PEAK1: variants seen among roughly 807,000 people sequenced by gnomAD.
PEAK1 encodes the protein inactive tyrosine-protein kinase PEAK1.
PEAK1 carries 54 observed loss-of-function variants against 124.7 expected under a neutral mutation model. The observed-to-expected ratio is 0.43, with a 90% CI of 0.35 to 0.54. The LOEUF is 0.54. Among genes scored for constraint, PEAK1 ranks in the 20% least tolerant of loss-of-function variants. PEAK1 has a pLI of 0.01. For missense variants in PEAK1, 2,046 were observed against 2,134.5 expected, an observed-to-expected ratio of 0.96 and a Z score of 0.82; for synonymous variants, 719 against 760.0, an observed-to-expected ratio of 0.95 and a Z score of 0.89.
At chr15:77,279,194 A>G (rs894826710) in intron 5 of PEAK1, among the ~76,000 whole-genome samples, 3 of 151,894 alleles carry the variant, frequency 2.0e-5, no homozygotes, top group Non-Finnish European at 4.4e-5. Flanking sequence ...GGGAAGGGGC[A>G]TATGTCACTA....
At chr15:77,160,712 A>C (rs548596916) in intron 7 of PEAK1, among the ~76,000 whole-genome samples, 4 of 152,256 alleles carry the variant, frequency 2.6e-5, no homozygotes, top group African/African-American at 9.6e-5. Context: ...AGAAAAAAAA[A>C]TGTTAAAGCT....
At position 77,180,792 on chromosome 15, in the gene PEAK1, C is replaced by T; in HGVS notation, c.1135G>A (p.Asp379Asn). ...LSPGNPGDSK[D>N]MKEIEPNYES... is the part of the protein sequence containing the mutation. ...TAATTGGGCTCAATTTCCTTCATGT[C>T]CTTAGAATCTCCTGGGTTACCAGGA... Residue 379 changes from aspartate to asparagine, a missense_variant, in exon 7 of 10, where the codon GAC (aspartate) becomes AAC (asparagine). Asp to Asn is a conservative substitution (Grantham distance 23). Transcript: ENST00000682557. 1.9e-6 allele frequency: 3 copies of T among 1,613,964 alleles called. No homozygotes were observed. The highest frequency in any genetic ancestry group is 2.5e-6 in the Non-Finnish European group (3 of 1,179,980).
intron 8 of PEAK1, among the ~76,000 whole-genome samples, chr15:77,139,869 A>G (rs972087125): frequency 2.0e-5 from 3 of 151,804 alleles, no homozygotes; most frequent in Non-Finnish European, 4.4e-5. Context: ...AGGGAGGGGG[A>G]GAGAGAGAGC....
At chr15:77,383,479 A>T (rs1271196432) in intron 1 of PEAK1, among the ~76,000 whole-genome samples, 1 of 152,244 alleles carries the variant, frequency 6.6e-6, no homozygotes, top group East Asian at 1.9e-4. Flanking sequence ...ATACATAAAA[A>T]TGTGATAACC....
At chr15:77,300,693 C>A (rs2063741003) in intron 2 of PEAK1, among the ~76,000 whole-genome samples, 1 of 152,046 alleles carries the variant, frequency 6.6e-6, no homozygotes, top group Non-Finnish European at 1.5e-5. Flanking sequence ...TTTCAGGGTC[C>A]TATCTAGGGC....
chr15:77,405,225 C>T (rs2071718106), intron 1 of PEAK1, among the ~76,000 whole-genome samples: 5 of 151,884 alleles, frequency 3.3e-5, no homozygotes, highest in Admixed American at 6.6e-5. Context: ...AGGATGGTCT[C>T]GATCTTCTGA....
At chr15:77,328,759 A>C (rs1443898748) in intron 2 of PEAK1, among the ~76,000 whole-genome samples, 1 of 152,176 alleles carries the variant, frequency 6.6e-6, no homozygotes, top group Non-Finnish European at 1.5e-5. Flanking sequence ...AAATTCAAAA[A>C]ACATAAGCAT....
At chr15:77,162,152 A>G (rs1262786238) in intron 7 of PEAK1, among the ~76,000 whole-genome samples, 2 of 152,090 alleles carry the variant, frequency 1.3e-5, no homozygotes, top group Non-Finnish European at 2.9e-5. Flanking sequence ...GAAGAAAGAA[A>G]AAAAGGAAAA....
At chr15:77,295,925 T>C (rs371678591) in intron 2 of PEAK1, among the ~76,000 whole-genome samples, 4 of 152,180 alleles carry the variant, frequency 2.6e-5, no homozygotes, top group African/African-American at 9.7e-5. Flanking sequence ...AAGAAAATTT[T>C]GGGTACCTGG....
chr15:77,233,320 A>C (rs997273445), intron 6 of PEAK1, among the ~76,000 whole-genome samples: 1 of 152,160 alleles, frequency 6.6e-6, no homozygotes, highest in Non-Finnish European at 1.5e-5. Context: ...TAAGGTGTCC[A>C]AAGACTGTAT....
chr15:77,348,272 G>C lies in PEAK1; in HGVS notation c.-603+16891C>G, dbSNP rs576458188. ...ACACTAATTAGCGTACAACATCCCT[G>C]AGTCTCAATTTTCCTCATCAGTAAA... is the stretch of plus-strand genomic sequence containing the variant. On this transcript the variant is annotated intron_variant, in intron 2 of 9. Transcript: ENST00000682557. 46 of 919,550 alleles carry C rather than the reference G, an allele frequency of 5.0e-5. No individual in the cohort carries two copies. In the African/African-American group the frequency reaches 8.3e-4, roughly 17 times the overall value. 57.0% of individuals were successfully genotyped at this position (919,550 alleles called of 1,614,324 possible).
chr15:77,318,085 T>C (rs1052170361), intron 2 of PEAK1, among the ~76,000 whole-genome samples: 17 of 152,248 alleles, frequency 1.1e-4, no homozygotes, highest in Admixed American at 7.8e-4. Context: ...GGGAGATCTT[T>C]GTAGGTATGG....
At chr15:77,350,242 A>G in intron 2 of PEAK1, 1 of 985,466 alleles carries the variant, frequency 1.0e-6, no homozygotes, top group South Asian at 4.7e-5. Flanking sequence ...CAATACACAA[A>G]TTAACAGTAA....
chr15:77,154,892 G>C (rs1366117239), intron 8 of PEAK1, among the ~76,000 whole-genome samples: 3 of 151,412 alleles, frequency 2.0e-5, no homozygotes, highest in East Asian at 1.9e-4. Context: ...TGGGTAACCC[G>C]ACCTTTCTCT....
At chr15:77,265,285 C>T (rs544658599) in intron 5 of PEAK1, among the ~76,000 whole-genome samples, 1 of 152,220 alleles carries the variant, frequency 6.6e-6, no homozygotes, top group South Asian at 2.1e-4. Context: ...AGCTTCTGCA[C>T]AGCAAAAGAA....
At chr15:77,307,828 T>G (rs1243793486) in intron 2 of PEAK1, among the ~76,000 whole-genome samples, 1 of 152,056 alleles carries the variant, frequency 6.6e-6, no homozygotes, top group Non-Finnish European at 1.5e-5. Context: ...TCTTTGATCC[T>G]GCTCTCAAAT....
At chr15:77,183,951 T>C (rs2057408740) in intron 6 of PEAK1, among the ~76,000 whole-genome samples, 1 of 151,994 alleles carries the variant, frequency 6.6e-6, no homozygotes, top group Non-Finnish European at 1.5e-5. Context: ...CCTCAGCCTC[T>C]GGAGTAGCTG....
intron 2 of PEAK1, chr15:77,347,120 A>C: frequency 1.4e-6 from 1 of 738,338 alleles, no homozygotes; most frequent in Non-Finnish European, 1.7e-6. Context: ...GTTGGAATAA[A>C]CTTGGTATAT....
intron 4 of PEAK1, among the ~76,000 whole-genome samples, chr15:77,284,539 T>A (rs1019200493): frequency 1.3e-5 from 2 of 152,226 alleles, no homozygotes; most frequent in African/African-American, 2.4e-5. Context: ...TGCTGTTCAC[T>A]ATTCTGTGAA....
Sources: gnomAD v4.1 joint callset for allele counts (sites outside exome capture counted in the v4.1 genomes callset) on GRCh38, gnomAD v4.1.1 for gene constraint, MANE v1.5 for transcripts, NCBI Gene and HGNC (gene_info 2026-07-23, HGNC 2026-07-21) for gene names.